TCAIM: variants seen among roughly 807,000 people sequenced by gnomAD.
TCAIM encodes T-cell activation inhibitor, mitochondrial.
In TCAIM, 36 loss-of-function variants were observed where a neutral mutation model predicts 58.6. That is an observed-to-expected ratio of 0.61 (90% CI 0.47 to 0.81). The LOEUF is 0.81. Among genes scored for constraint, TCAIM ranks in the 30% least tolerant of loss-of-function variants. The pLI is 0.00. For missense variants in TCAIM, 466 were observed against 579.6 expected (o/e 0.80, Z 2.01); for synonymous variants, 172 against 193.6 (o/e 0.89, Z 0.93).
At chr3:44,348,318 G>A (rs929813672) in intron 1 of TCAIM, among the ~76,000 whole-genome samples, 13 of 152,268 alleles carry the variant, frequency 8.5e-5, no homozygotes, top group African/African-American at 3.1e-4. Flanking sequence ...GAAGGAGTCA[G>A]TCAGAGAGCC....
chr3:44,395,002 A>G (rs895115848), intron 6 of TCAIM, among the ~76,000 whole-genome samples: 15 of 135,268 alleles, frequency 1.1e-4, no homozygotes, highest in African/African-American at 4.0e-4. Context: ...TTTTAAGAGT[A>G]TAAAAGGGTC....
chr3:44,370,922 T>C (rs1488054553), intron 5 of TCAIM, among the ~76,000 whole-genome samples: 2 of 149,148 alleles, frequency 1.3e-5, no homozygotes, highest in Non-Finnish European at 3.0e-5. Flanking sequence ...TTTTTTTTTT[T>C]TTTTTTAAAG....
intron 5 of TCAIM, among the ~76,000 whole-genome samples, chr3:44,369,691 T>C (rs948957574): frequency 2.0e-5 from 3 of 152,330 alleles, no homozygotes; most frequent in African/African-American, 7.2e-5. Flanking sequence ...CCTTAGTCTT[T>C]AGTAAAAGGA....
chr3:44,372,663 G>A (rs1055196165), intron 5 of TCAIM, among the ~76,000 whole-genome samples: 1 of 149,472 alleles, frequency 6.7e-6, no homozygotes, highest in Non-Finnish European at 1.5e-5. Flanking sequence ...GTGCTATCTT[G>A]GCTCACTGCA....
intron 5 of TCAIM, among the ~76,000 whole-genome samples, chr3:44,369,171 C>T (rs1397656793): frequency 6.6e-6 from 1 of 152,178 alleles, no homozygotes; most frequent in Non-Finnish European, 1.5e-5. Context: ...TCTCTGAGCA[C>T]AAACTGGAAG....
chr3:44,342,497 C>T (rs1700873935), intron 1 of TCAIM, among the ~76,000 whole-genome samples: 1 of 152,166 alleles, frequency 6.6e-6, no homozygotes, highest in African/African-American at 2.4e-5. Flanking sequence ...TCAAGATTAA[C>T]ATTCTAATCT....
intron 1 of TCAIM, among the ~76,000 whole-genome samples, chr3:44,342,352 A>G (rs1002572849): frequency 6.6e-6 from 1 of 152,234 alleles, no homozygotes; most frequent in Non-Finnish European, 1.5e-5. Flanking sequence ...CTGCCAAACA[A>G]TAAGCAAAAG....
At chr3:44,338,653 C>G (rs147142533), upstream of TCAIM, 616 of 152,542 alleles carry the variant, frequency 4.0e-3, 3 homozygotes, top group Non-Finnish European at 6.7e-3. Flanking sequence ...TGTCGCCCAC[C>G]GGGGCGAGGG....
chr3:44,373,103 TAAATC>T lies in TCAIM; in HGVS notation c.572+5397_572+5401del, dbSNP rs973772795. ...AAATTAAAATAAGAAATCATAAAAA[TAAATC>T]AGTTGAGTTTTTTTATTTTTATTTT... On this transcript the variant is annotated intron_variant, in intron 5 of 10. Coordinates refer to ENST00000342649, the MANE Select transcript of TCAIM (RefSeq NM_173826.4). Among the ~76,000 whole-genome samples the T allele has an allele frequency of 3.1e-4, 47 of 152,102 alleles. 1 individual carries two copies. The highest frequency in any genetic ancestry group is 4.6e-4 in the Non-Finnish European group (31 of 68,020).
chr3:44,406,344 C>T (rs983472621), intron 10 of TCAIM, among the ~76,000 whole-genome samples: 1 of 152,212 alleles, frequency 6.6e-6, no homozygotes, highest in Admixed American at 6.5e-5. Flanking sequence ...GAAAAAGTTA[C>T]TCATCCCCTG....
rs767885876 is a variant in TCAIM at position 44,401,192 on chromosome 3, T to C, written c.1119-11T>C. ...TCAGTGGTTTTTCCTTTAATGTATA[T>C]TTTATTGCAGTGACAGATATGCTCC... On this transcript the variant is annotated splice_polypyrimidine_tract_variant and intron_variant, in intron 9 of 10. Transcript: ENST00000342649. The C allele has an allele frequency of 6.8e-6, 11 of 1,613,612 alleles. No homozygotes were observed. The South Asian group carries it at 1.2e-4, about 18-fold the overall frequency.
At chr3:44,405,808 C>T (rs536897686) in intron 10 of TCAIM, among the ~76,000 whole-genome samples, 52 of 148,886 alleles carry the variant, frequency 3.5e-4, no homozygotes, top group Middle Eastern at 3.6e-3. Flanking sequence ...AAAAAACAGC[C>T]GGGCATGGTG....
intron 6 of TCAIM, among the ~76,000 whole-genome samples, chr3:44,393,751 C>T (rs1253566926): frequency 6.6e-6 from 1 of 152,012 alleles, no homozygotes; most frequent in African/African-American, 2.4e-5. Flanking sequence ...AGCGAGACCT[C>T]ATCTCTAAAT....
intron 1 of TCAIM, among the ~76,000 whole-genome samples, chr3:44,352,514 G>A (rs373979174): frequency 2.6e-5 from 4 of 152,216 alleles, no homozygotes; most frequent in African/African-American, 9.6e-5. Context: ...GCAAAATTTA[G>A]CAGAAAGTAA....
intron 1 of TCAIM, among the ~76,000 whole-genome samples, chr3:44,352,701 G>A (rs893165793): frequency 6.6e-6 from 1 of 152,092 alleles, no homozygotes; most frequent in Non-Finnish European, 1.5e-5. Flanking sequence ...TTTGACAAAC[G>A]TTGACAAATG....
chr3:44,343,536 G>A (rs1436323412), intron 1 of TCAIM, among the ~76,000 whole-genome samples: 3 of 152,132 alleles, frequency 2.0e-5, no homozygotes, highest in Non-Finnish European at 4.4e-5. Flanking sequence ...TCCATTGTTT[G>A]TACTGAATCT....
chr3:44,392,329 AT>A (rs1051673272), intron 5 of TCAIM, among the ~76,000 whole-genome samples: 18 of 151,582 alleles, frequency 1.2e-4, no homozygotes, highest in African/African-American at 3.9e-4. Context: ...TCTGAGTACA[AT>A]TTTTTTTTAA....
At chr3:44,342,543 A>T (rs889664275) in intron 1 of TCAIM, among the ~76,000 whole-genome samples, 6 of 152,106 alleles carry the variant, frequency 3.9e-5, no homozygotes, top group African/African-American at 9.7e-5. Flanking sequence ...ATTTTTTTTT[A>T]AAAGACTTGG....
At chr3:44,406,529 A>G (rs528236658) in intron 10 of TCAIM, among the ~76,000 whole-genome samples, 137 of 152,344 alleles carry the variant, frequency 9.0e-4, no homozygotes, top group Non-Finnish European at 1.7e-3. Context: ...AGCACTTAAG[A>G]AAGTGATCAG....
Sources: allele counts gnomAD v4.1 joint callset (sites outside exome capture counted in the v4.1 genomes callset), GRCh38; gene constraint gnomAD v4.1.1; transcripts MANE v1.5; gene names NCBI Gene and HGNC (gene_info 2026-07-23, HGNC 2026-07-21).